The following MYRIP variants were observed in gnomAD, a reference collection of about 807,000 sequenced individuals.
MYRIP encodes the protein rab effector MyRIP.
In MYRIP, 49 loss-of-function variants were observed where a neutral mutation model predicts 98.0. The ratio of observed to expected loss-of-function variants is 0.50; its 90% CI spans 0.40 to 0.63. MYRIP has a LOEUF of 0.63. MYRIP is among the 30% of genes least tolerant of loss of function. The probability of loss-of-function intolerance (pLI) is 0.00; values close to 1 mark genes in which losing one functional copy is unlikely to be tolerated. For missense variants in MYRIP, 1,004 were observed against 1,058.2 expected (o/e 0.95, Z 0.71); for synonymous variants, 404 against 409.5 (o/e 0.99, Z 0.16).
chr3:39,995,786 G>A (rs935532829), intron 2 of MYRIP, among the ~76,000 whole-genome samples: 4 of 152,202 alleles, frequency 2.6e-5, no homozygotes, highest in African/African-American at 4.8e-5. Context: ...CAGCCAGAGA[G>A]AAAGGTCGGG....
At chr3:40,029,697 T>C (rs1475063881) in intron 2 of MYRIP, among the ~76,000 whole-genome samples, 4 of 152,144 alleles carry the variant, frequency 2.6e-5, no homozygotes, top group Non-Finnish European at 5.9e-5. Flanking sequence ...ATGTATCTGA[T>C]AAGGGACTTG....
intron 2 of MYRIP, among the ~76,000 whole-genome samples, chr3:39,920,115 TAAA>T (rs1944275233): frequency 6.6e-6 from 1 of 151,766 alleles, no homozygotes; most frequent in African/African-American, 2.4e-5. Flanking sequence ...GAAAAAAAAA[TAAA>T]AAATAAAATG....
rs1170781818 is a variant in MYRIP, at chr3:40,162,830, T to C, written c.550+20T>C. On this transcript the variant is annotated intron_variant, in intron 5 of 16. Transcript: ENST00000302541. ...CAGAAGGTAAAGTTGCTTAAGAGTT[T>C]ACAGCTACTGGGAAGTTGGAGTAAT... 1 of 1,607,776 alleles carries C rather than the reference T, an allele frequency of 6.2e-7. No individual in the cohort carries two copies. The highest frequency in any genetic ancestry group is 8.5e-7 in the Non-Finnish European group (1 of 1,174,260).
chr3:40,234,190 C>A, intron 12 of MYRIP, 137 bp downstream of exon 12: 1 of 897,736 alleles, frequency 1.1e-6, no homozygotes, highest in Non-Finnish European at 1.6e-6. Context: ...AATACATTCT[C>A]AGGAAGGACC....
intron 11 of MYRIP, among the ~76,000 whole-genome samples, chr3:40,219,084 G>C (rs935153440): frequency 1.3e-5 from 2 of 152,124 alleles, no homozygotes; most frequent in African/African-American, 4.8e-5. Flanking sequence ...AGGAATATTA[G>C]ATTAACAAAT....
At position 40,097,242 on chromosome 3, in the gene MYRIP, A is replaced by G. The variant is rs148003368; in HGVS notation, c.332+52971A>G. 3.3e-5 allele frequency among the ~76,000 whole-genome samples: 5 copies of G among 152,362 alleles called. No homozygotes were observed. The East Asian group carries it at 9.6e-4, about 29-fold the overall frequency. On this transcript the variant is annotated intron_variant, in intron 3 of 16. Coordinates refer to ENST00000302541, the MANE Select transcript of MYRIP (RefSeq NM_015460.4). ...AAGGCAGATATACTTTACCCATTTTACAAAGGCAGAAACTAAAGAAAGAGA... is the reference window on the plus strand; with the variant it reads ...AAGGCAGATATACTTTACCCATTTTGCAAAGGCAGAAACTAAAGAAAGAGA...
chr3:40,248,621 A>T (rs975421776), intron 13 of MYRIP: 1 of 152,184 alleles, frequency 6.6e-6, no homozygotes, highest in Non-Finnish European at 1.5e-5. Context: ...ACAAATGAAG[A>T]GGTCAGCAGC....
intron 3 of MYRIP, among the ~76,000 whole-genome samples, chr3:40,079,310 T>C (rs745713461): frequency 6.6e-6 from 1 of 152,200 alleles, no homozygotes; most frequent in Non-Finnish European, 1.5e-5. Context: ...AATAGTTAGG[T>C]GGCCCCTTTC....
chr3:40,071,211 A>C, intron 3 of MYRIP: 1 of 985,118 alleles, frequency 1.0e-6, no homozygotes, highest in Non-Finnish European at 1.2e-6. Flanking sequence ...GAAGTCCCTC[A>C]GGCCCATCGG....
intron 10 of MYRIP, among the ~76,000 whole-genome samples, chr3:40,192,074 C>T (rs934166394): frequency 6.6e-6 from 1 of 151,222 alleles, no homozygotes; most frequent in Non-Finnish European, 1.5e-5. Context: ...GATGGTGCTG[C>T]ACTTCCAGAG....
chr3:40,133,077 A>G (rs1575563486), intron 3 of MYRIP, among the ~76,000 whole-genome samples: 1 of 152,254 alleles, frequency 6.6e-6, no homozygotes, highest in African/African-American at 2.4e-5. Flanking sequence ...AGTGCTGAGG[A>G]GAACACAGAA....
intron 2 of MYRIP, among the ~76,000 whole-genome samples, chr3:40,004,666 G>T (rs1356924735): frequency 6.6e-6 from 1 of 152,004 alleles, no homozygotes; most frequent in Non-Finnish European, 1.5e-5. Context: ...AAAGTCCACT[G>T]TATTATTATT....
intron 1 of MYRIP, among the ~76,000 whole-genome samples, chr3:39,875,229 C>G (rs1396188412): frequency 1.3e-5 from 2 of 152,040 alleles, no homozygotes; most frequent in East Asian, 3.9e-4. Context: ...ATTCTTCTCT[C>G]TTTTCTTCTT....
chr3:39,815,385 A>G (rs1940867236), intron 1 of MYRIP, among the ~76,000 whole-genome samples: 1 of 151,982 alleles, frequency 6.6e-6, no homozygotes, highest in South Asian at 2.1e-4. Context: ...TTATTGGTGT[A>G]TTTCATCATA....
intron 2 of MYRIP, among the ~76,000 whole-genome samples, chr3:40,000,273 A>G (rs1946488713): frequency 2.0e-5 from 3 of 152,190 alleles, no homozygotes; most frequent in Admixed American, 2.0e-4. Context: ...GATTATGGCA[A>G]TTTGAGCTAT....
At chr3:39,977,888 C>T (rs981952383) in intron 2 of MYRIP, among the ~76,000 whole-genome samples, 1 of 152,128 alleles carries the variant, frequency 6.6e-6, no homozygotes, top group Non-Finnish European at 1.5e-5. Context: ...CTTTCCCCCG[C>T]TTTGGGTTTG....
intron 3 of MYRIP, among the ~76,000 whole-genome samples, chr3:40,050,558 T>TG (rs1169305300): frequency 1.3e-5 from 2 of 152,142 alleles, no homozygotes; most frequent in African/African-American, 2.4e-5. Context: ...AGATGAACGT[T>TG]GTTTTCATGC....
rs775867355 is a variant in MYRIP, at chr3:40,167,215, A to G, written c.705A>G (p.Glu235=). The G allele has an allele frequency of 1.2e-6, 2 of 1,614,062 alleles. No individual in the cohort carries two copies. The highest frequency in any genetic ancestry group is 1.7e-6 in the Non-Finnish European group (2 of 1,180,024). The change falls in exon 7 of 17, where the codon GAA becomes GAG. Residue 235 remains glutamate, a synonymous_variant. Transcript: ENST00000302541. ...ACCACAAGGAGGAGCTAACTGAGGA[A>G]CTGGCCACGACAATCCTGCAGAAGG... ...LRDHKEELTE[E]LATTILQKII... is the part of the protein sequence containing the mutation.
chr3:40,130,116 T>C (rs13353422), intron 3 of MYRIP, among the ~76,000 whole-genome samples: 1,525 of 152,278 alleles, frequency 0.01, 33 homozygotes, highest in African/African-American at 0.032. Context: ...GCCAAAGCCC[T>C]AATTTGCCAT....
Sources: allele counts gnomAD v4.1 joint callset (sites outside exome capture counted in the v4.1 genomes callset), GRCh38; gene constraint gnomAD v4.1.1; transcripts MANE v1.5; gene names NCBI Gene and HGNC (gene_info 2026-07-23, HGNC 2026-07-21).